The following LMX1A variants were observed in gnomAD, a reference collection of about 807,000 sequenced individuals.
LMX1A encodes the protein LIM homeobox transcription factor 1 alpha, also known as LIM homeobox transcription factor 1-alpha.
LMX1A carries 15 observed loss-of-function variants against 49.1 expected under a neutral mutation model. That is an observed-to-expected ratio of 0.31 (90% CI 0.20 to 0.47). The LOEUF is 0.47. Ranked by LOEUF, LMX1A falls within the 20% of genes least tolerant of loss-of-function variation. LMX1A has a pLI of 1.00. For missense variants in LMX1A, 372 were observed against 475.8 expected, an observed-to-expected ratio of 0.78 and a Z score of 2.03; for synonymous variants, 167 against 185.7, an observed-to-expected ratio of 0.90 and a Z score of 0.82.
At chr1:165,256,982 T>C (rs1455145192) in intron 3 of LMX1A, among the ~76,000 whole-genome samples, 1 of 151,918 alleles carries the variant, frequency 6.6e-6, no homozygotes, top group Non-Finnish European at 1.5e-5. Flanking sequence ...ATCACCCTAC[T>C]GTTCTGAACA....
At chr1:165,275,745 G>A (rs1293017256) in intron 3 of LMX1A, among the ~76,000 whole-genome samples, 1 of 152,080 alleles carries the variant, frequency 6.6e-6, no homozygotes, top group African/African-American at 2.4e-5. Flanking sequence ...GGAGAAAAAA[G>A]TATAGGGATG....
At chr1:165,349,896 C>T (rs1231586445) in intron 3 of LMX1A, among the ~76,000 whole-genome samples, 1 of 152,106 alleles carries the variant, frequency 6.6e-6, no homozygotes, top group African/African-American at 2.4e-5. Flanking sequence ...GCAAGAAATG[C>T]ACATACAGAT....
chr1:165,339,510 C>T (rs1489997998), intron 3 of LMX1A, among the ~76,000 whole-genome samples: 2 of 152,186 alleles, frequency 1.3e-5, no homozygotes, highest in Non-Finnish European at 2.9e-5. Context: ...CGGTGAGCTT[C>T]GCATTGAGAT....
chr1:165,330,390 G>T (rs971702213), intron 3 of LMX1A, among the ~76,000 whole-genome samples: 2 of 152,192 alleles, frequency 1.3e-5, no homozygotes, highest in African/African-American at 4.8e-5. Context: ...AGGATTGGTT[G>T]AACCCAGGAG....
At chr1:165,341,698 C>T (rs188014187) in intron 3 of LMX1A, among the ~76,000 whole-genome samples, 1 of 152,094 alleles carries the variant, frequency 6.6e-6, no homozygotes, top group Non-Finnish European at 1.5e-5. Context: ...TTTTCTATCC[C>T]TGTGGCCATG....
chr1:165,331,745 C>T (rs533263222), intron 3 of LMX1A, among the ~76,000 whole-genome samples: 3 of 152,066 alleles, frequency 2.0e-5, no homozygotes, highest in Admixed American at 6.6e-5. Flanking sequence ...GGCAAAACCC[C>T]GTGTCTACTA....
intron 4 of LMX1A, among the ~76,000 whole-genome samples, chr1:165,234,272 A>T (rs1277556025): frequency 6.6e-6 from 1 of 151,902 alleles, no homozygotes; most frequent in African/African-American, 2.4e-5. Flanking sequence ...CAACATACTC[A>T]TTTTCATTTC....
chr1:165,327,462 C>T (rs1359454856), intron 3 of LMX1A, among the ~76,000 whole-genome samples: 2 of 152,222 alleles, frequency 1.3e-5, no homozygotes, highest in Non-Finnish European at 2.9e-5. Context: ...GCCCTCTGAG[C>T]GTGCAGAACC....
At chr1:165,293,392 G>C (rs1654531714) in intron 3 of LMX1A, among the ~76,000 whole-genome samples, 1 of 152,200 alleles carries the variant, frequency 6.6e-6, no homozygotes, top group African/African-American at 2.4e-5. Flanking sequence ...CAACACCCCT[G>C]TGAGCAAGTC....
chr1:165,244,781 CT>C (rs1358381845), intron 4 of LMX1A, among the ~76,000 whole-genome samples: 1 of 152,016 alleles, frequency 6.6e-6, no homozygotes, highest in African/African-American at 2.4e-5. Context: ...GAAAAGAGCT[CT>C]TCTAGACACT....
chr1:165,264,386 T>C (rs924513264), intron 3 of LMX1A, among the ~76,000 whole-genome samples: 1 of 152,116 alleles, frequency 6.6e-6, no homozygotes, highest in African/African-American at 2.4e-5. Context: ...TGACTAGTTA[T>C]GTGTACAGAC....
chr1:165,339,379 G>C (rs1329841537), intron 3 of LMX1A, among the ~76,000 whole-genome samples: 1 of 152,194 alleles, frequency 6.6e-6, no homozygotes, highest in Non-Finnish European at 1.5e-5. Flanking sequence ...CAGCTGACTG[G>C]TTCCAGGCCT....
At chr1:165,275,946 G>T (rs1460482090) in intron 3 of LMX1A, among the ~76,000 whole-genome samples, 1 of 151,576 alleles carries the variant, frequency 6.6e-6, no homozygotes, top group Non-Finnish European at 1.5e-5. Flanking sequence ...GCAGACTGGG[G>T]CTAGGCAAGG....
chr1:165,227,275 C>T (rs749236908), intron 4 of LMX1A, among the ~76,000 whole-genome samples: 2 of 152,156 alleles, frequency 1.3e-5, no homozygotes, highest in African/African-American at 2.4e-5. Flanking sequence ...CAGTGGCTCA[C>T]GCCTATAATC....
chr1:165,232,213 C>A (rs1454176461), intron 4 of LMX1A, among the ~76,000 whole-genome samples: 3 of 150,770 alleles, frequency 2.0e-5, no homozygotes, highest in Non-Finnish European at 4.4e-5. Context: ...CTTAGGGGAA[C>A]CTTGCCACTT....
At chr1:165,319,919 A>T (rs1335413514) in intron 3 of LMX1A, among the ~76,000 whole-genome samples, 1 of 152,238 alleles carries the variant, frequency 6.6e-6, no homozygotes, top group Non-Finnish European at 1.5e-5. Flanking sequence ...GACCATTACA[A>T]CATGGTAACT....
At chr1:165,310,621 C>T (rs961188146) in intron 3 of LMX1A, among the ~76,000 whole-genome samples, 5 of 152,230 alleles carry the variant, frequency 3.3e-5, no homozygotes, top group Non-Finnish European at 4.4e-5. Flanking sequence ...GGTGGAGATG[C>T]AGATGTTGCC....
chr1:165,292,061 CAAAAAA>C (rs771664986), intron 3 of LMX1A, among the ~76,000 whole-genome samples: 2 of 82,542 alleles, frequency 2.4e-5, no homozygotes, highest in Admixed American at 1.6e-4. Flanking sequence ...AACTCCGTCT[CAAAAAA>C]AAAAAAAAAA....
chr1:165,309,240 G>A (rs1655006324), intron 3 of LMX1A, among the ~76,000 whole-genome samples: 1 of 152,084 alleles, frequency 6.6e-6, no homozygotes, highest in South Asian at 2.1e-4. Flanking sequence ...GGCACACGCT[G>A]CTACAGAGAG....
Sources: allele counts gnomAD v4.1 joint callset (sites outside exome capture counted in the v4.1 genomes callset), GRCh38; gene constraint gnomAD v4.1.1; transcripts MANE v1.5; gene names NCBI Gene and HGNC (gene_info 2026-07-23, HGNC 2026-07-21).